The following SHISA9 variants were observed in gnomAD, a reference collection of about 807,000 sequenced individuals.
SHISA9 encodes the protein protein shisa-9.
A neutral mutation model predicts 38.0 loss-of-function variants in SHISA9; 13 were observed. The ratio of observed to expected loss-of-function variants is 0.34; its 90% CI spans 0.22 to 0.54. SHISA9 has a LOEUF of 0.54. SHISA9 is among the 20% of genes least tolerant of loss of function. The pLI is 0.91. For missense variants in SHISA9, 538 were observed against 575.8 expected (o/e 0.93, Z 0.67); for synonymous variants, 275 against 242.0 (o/e 1.14, Z -1.27).
At chr16:13,458,251 A>G in the SHISA9 span, 1 of 217,610 alleles carries the variant, frequency 4.6e-6, no homozygotes, top group Non-Finnish European at 9.0e-6. Flanking sequence ...ACTGACTGTC[A>G]TGGGTCACCT....
intron 2 of SHISA9, among the ~76,000 whole-genome samples, chr16:13,016,474 G>C (rs75420664): frequency 0.029 from 4,440 of 152,294 alleles, 200 homozygotes; most frequent in African/African-American, 0.1. Context: ...GTGGTTGGTT[G>C]TGTAATGGGC....
the SHISA9 span, among the ~76,000 whole-genome samples, chr16:13,352,263 T>C: frequency 6.6e-6 from 1 of 152,216 alleles, no homozygotes; most frequent in Non-Finnish European, 1.5e-5. Flanking sequence ...TCATAAAATC[T>C]GGAGCAGAAA....
intron 2 of SHISA9, among the ~76,000 whole-genome samples, chr16:13,134,101 A>T (rs960472932): frequency 6.6e-6 from 1 of 152,172 alleles, no homozygotes; most frequent in Non-Finnish European, 1.5e-5. Flanking sequence ...ATCTGGTCAT[A>T]CACGGATTGC....
chr16:13,531,101 C>T, the SHISA9 span, among the ~76,000 whole-genome samples: 1 of 152,174 alleles, frequency 6.6e-6, no homozygotes, highest in Non-Finnish European at 1.5e-5. Flanking sequence ...TCCATTGAAA[C>T]TTGCCTTACC....
At chr16:12,936,650 T>C (rs2071537666) in intron 2 of SHISA9, among the ~76,000 whole-genome samples, 2 of 152,228 alleles carry the variant, frequency 1.3e-5, no homozygotes, top group Admixed American at 1.3e-4. Context: ...GATATGCATT[T>C]TTCATATAAC....
At chr16:12,914,885 G>A (rs1480830909) in intron 1 of SHISA9, among the ~76,000 whole-genome samples, 1 of 152,176 alleles carries the variant, frequency 6.6e-6, no homozygotes, top group African/African-American at 2.4e-5. Context: ...AAGTTCCCAG[G>A]CGACACTGCT....
chr16:13,445,790 C>T, the SHISA9 span, among the ~76,000 whole-genome samples: 1 of 152,156 alleles, frequency 6.6e-6, no homozygotes, highest in African/African-American at 2.4e-5. Flanking sequence ...CCTGACTTTA[C>T]CACTTACCAG....
chr16:12,969,532 C>G (rs1243715621), intron 2 of SHISA9, among the ~76,000 whole-genome samples: 1 of 151,762 alleles, frequency 6.6e-6, no homozygotes, highest in Non-Finnish European at 1.5e-5. Context: ...TCCCCTGAGG[C>G]CAGGAGTTCG....
chr16:13,159,617 G>A (rs570729365), intron 2 of SHISA9, among the ~76,000 whole-genome samples: 58 of 152,290 alleles, frequency 3.8e-4, no homozygotes, highest in African/African-American at 1.4e-3. Flanking sequence ...TTGAGCATAC[G>A]CTTTTCTCTT....
At chr16:13,550,900 G>A in the SHISA9 span, among the ~76,000 whole-genome samples, 1 of 152,074 alleles carries the variant, frequency 6.6e-6, no homozygotes, top group Non-Finnish European at 1.5e-5. Context: ...AACGTGGGCG[G>A]ATCAAAAGGT....
intron 2 of SHISA9, among the ~76,000 whole-genome samples, chr16:13,187,328 C>CTTTTTTTTTTTTTTTTTT (rs372286181): frequency 1.7e-4 from 15 of 90,678 alleles, no homozygotes; most frequent in South Asian, 4.5e-4. Context: ...CTTTTCTTTT[C>CTTTTTTTTTTTTTTTTTT]TTTTTTTTTT....
At chr16:13,108,913 C>A (rs182813656) in intron 2 of SHISA9, among the ~76,000 whole-genome samples, 8 of 152,274 alleles carry the variant, frequency 5.3e-5, no homozygotes, top group African/African-American at 1.7e-4. Context: ...CTAAAACCTT[C>A]CAGAGCGTGC....
the SHISA9 span, among the ~76,000 whole-genome samples, chr16:13,347,933 A>C: frequency 6.6e-6 from 1 of 152,206 alleles, no homozygotes; most frequent in Admixed American, 6.5e-5. Context: ...GATGGAATTA[A>C]GATTGCTAAT....
At chr16:13,444,309 T>G in the SHISA9 span, among the ~76,000 whole-genome samples, 1 of 151,094 alleles carries the variant, frequency 6.6e-6, no homozygotes, top group Non-Finnish European at 1.5e-5. Flanking sequence ...GGGTGGAAGT[T>G]GCAGTGAGCT....
Position 12,926,713 on chromosome 16 carries a change from T to C in SHISA9, c.691+9898T>C, listed in dbSNP as rs930527176. Among the ~76,000 whole-genome samples, 6 of 152,138 alleles carry C rather than the reference T, an allele frequency of 3.9e-5. No homozygotes were observed. In the East Asian group the frequency reaches 5.8e-4, roughly 15 times the overall value. On this transcript the variant is annotated intron_variant, in intron 2 of 4. Coordinates refer to ENST00000558583, the MANE Select transcript of SHISA9 (RefSeq NM_001145204.3). Reference sequence around the variant, plus strand: ...TTGGGGCTAGAAGGGAGGGAAGAGATACTAGGATGGCCTTTCCTGAGAAAC... The same window carrying C: ...TTGGGGCTAGAAGGGAGGGAAGAGACACTAGGATGGCCTTTCCTGAGAAAC...
At chr16:13,336,794 C>G in the SHISA9 span, among the ~76,000 whole-genome samples, 1 of 152,250 alleles carries the variant, frequency 6.6e-6, no homozygotes, top group Middle Eastern at 3.4e-3. Flanking sequence ...CCCTGGTTCT[C>G]TAGGCACAGC....
intron 1 of SHISA9, chr16:12,908,817 A>G: frequency 7.5e-7 from 1 of 1,329,858 alleles, no homozygotes; most frequent in South Asian, 1.6e-5. Flanking sequence ...GGACAGAAGC[A>G]CATATGTGAA....
chr16:13,396,150 A>G, the SHISA9 span, among the ~76,000 whole-genome samples: 1 of 152,194 alleles, frequency 6.6e-6, no homozygotes, highest in Non-Finnish European at 1.5e-5. Context: ...ATTGCATAGA[A>G]TCTCAAACTC....
chr16:13,478,303 T>TG, the SHISA9 span, among the ~76,000 whole-genome samples: 40,693 of 152,102 alleles, frequency 0.27, 5,801 homozygotes, highest in African/African-American at 0.36. Flanking sequence ...CTGAGAGTTT[T>TG]GGGCTTCTTT....
Sources: allele counts gnomAD v4.1 joint callset (sites outside exome capture counted in the v4.1 genomes callset), GRCh38; gene constraint gnomAD v4.1.1; transcripts MANE v1.5; gene names NCBI Gene and HGNC (gene_info 2026-07-23, HGNC 2026-07-21).